Variants in SMARCA2 observed in about 807,000 individuals in gnomAD.
SMARCA2 encodes the protein SWI/SNF-related matrix-associated actin-dependent regulator of chromatin subfamily A member 2.
SMARCA2 carries 61 observed loss-of-function variants against 199.8 expected under a neutral mutation model. The observed-to-expected ratio is 0.31, with a 90% confidence interval of 0.25 to 0.38. The LOEUF is 0.38. Among genes scored for constraint, SMARCA2 ranks in the 10% least tolerant of loss-of-function variants. SMARCA2 has a pLI of 1.00. For missense variants in SMARCA2, 1,344 were observed against 2,012.2 expected (o/e 0.67, Z 6.35); for synonymous variants, 935 against 732.0 (o/e 1.28, Z -4.48).
At chr9:2,079,483 C>G (rs777529454) in intron 14 of SMARCA2, among the ~76,000 whole-genome samples, 5 of 152,224 alleles carry the variant, frequency 3.3e-5, no homozygotes, top group Non-Finnish European at 7.3e-5. Context: ...TGCTGAAGCA[C>G]TAGCAGTTTT....
chr9:2,146,059 G>A (rs959748637), intron 27 of SMARCA2, among the ~76,000 whole-genome samples: 1 of 152,222 alleles, frequency 6.6e-6, no homozygotes, highest in Non-Finnish European at 1.5e-5. Context: ...CTTAGTCTGG[G>A]ATGCTATACC....
At chr9:2,172,828 C>T (rs1346235285) in intron 29 of SMARCA2, among the ~76,000 whole-genome samples, 4 of 152,000 alleles carry the variant, frequency 2.6e-5, no homozygotes, top group Non-Finnish European at 5.9e-5. Flanking sequence ...CGACATCAGC[C>T]CTGCAGTGGA....
rs1825704855 is a variant in SMARCA2, at chr9:2,161,960, C to T, written c.4199+57C>T. ...TCTCACCAAGACGCCGAGTGGCGCT[C>T]CCTGAGGAGCAGGAGTTGTTAAGTT... On this transcript the variant is annotated intron_variant, in intron 28 of 33. Coordinates refer to ENST00000349721, the MANE Select transcript of SMARCA2 (RefSeq NM_003070.5). The surrounding 1 kb of genome is among the most constrained non-coding windows in gnomAD (Gnocchi z 4.7). 1 of 1,401,924 alleles carries T rather than the reference C, an allele frequency of 7.1e-7. No homozygotes were observed. 86.8% of individuals were successfully genotyped at this position (1,401,924 alleles called of 1,614,324 possible).
At chr9:2,074,481 T>C (rs1209322614) in intron 12 of SMARCA2, among the ~76,000 whole-genome samples, 1 of 152,212 alleles carries the variant, frequency 6.6e-6, no homozygotes, top group Admixed American at 6.5e-5. Context: ...TTTGTGGACC[T>C]GTGTTTTCCA....
intron 26 of SMARCA2, among the ~76,000 whole-genome samples, chr9:2,122,241 A>AT (rs982132044): frequency 1.9e-4 from 29 of 152,140 alleles, no homozygotes; most frequent in African/African-American, 5.3e-4. Context: ...CTCAAAGACT[A>AT]TTTTTTTGCT....
intron 31 of SMARCA2, among the ~76,000 whole-genome samples, chr9:2,183,051 A>G (rs1402344463): frequency 6.6e-6 from 1 of 152,218 alleles, no homozygotes; most frequent in Non-Finnish European, 1.5e-5. Flanking sequence ...TCAGCCTCCC[A>G]AAGTGCTGGG....
intron 27 of SMARCA2, among the ~76,000 whole-genome samples, chr9:2,132,260 G>A (rs1823994848): frequency 6.6e-6 from 1 of 152,200 alleles, no homozygotes; most frequent in African/African-American, 2.4e-5. Context: ...AAAGAGGTGG[G>A]CTGTGGATTT....
At chr9:2,118,852 T>G (rs1228039381) in intron 25 of SMARCA2, among the ~76,000 whole-genome samples, 3 of 152,234 alleles carry the variant, frequency 2.0e-5, no homozygotes, top group Admixed American at 6.5e-5. Context: ...TTTTTGTTAC[T>G]GATACCTTTT....
chr9:2,149,846 G>T (rs1054877667), intron 27 of SMARCA2, among the ~76,000 whole-genome samples: 6 of 151,392 alleles, frequency 4.0e-5, no homozygotes, highest in Non-Finnish European at 7.4e-5. Flanking sequence ...AATTTTGTTT[G>T]GCATTTTAGC....
intron 3 of SMARCA2, among the ~76,000 whole-genome samples, chr9:2,038,365 C>G (rs1247604036): frequency 6.6e-6 from 1 of 152,260 alleles, no homozygotes; most frequent in Middle Eastern, 3.4e-3. Context: ...ATTCCCCTTA[C>G]CATTTCTATA....
intron 23 of SMARCA2, among the ~76,000 whole-genome samples, chr9:2,107,778 T>C (rs1822823321): frequency 1.3e-5 from 2 of 152,210 alleles, no homozygotes; most frequent in Admixed American, 6.5e-5. Context: ...TCAGTAGGCA[T>C]TGGTTGTATT....
chr9:2,191,049 T>G (rs1586824230), intron 32 of SMARCA2, among the ~76,000 whole-genome samples: 1 of 152,170 alleles, frequency 6.6e-6, no homozygotes, highest in Non-Finnish European at 1.5e-5. Context: ...GTTGCCTGTT[T>G]AGCGTGACTA....
At chr9:2,131,100 T>C (rs755708473) in intron 27 of SMARCA2, among the ~76,000 whole-genome samples, 4 of 152,236 alleles carry the variant, frequency 2.6e-5, no homozygotes, top group Non-Finnish European at 5.9e-5. Context: ...CCTGAATTTA[T>C]TTAATTGCTA....
At chr9:2,137,915 T>C (rs1824279902) in intron 27 of SMARCA2, among the ~76,000 whole-genome samples, 1 of 152,212 alleles carries the variant, frequency 6.6e-6, no homozygotes, top group Non-Finnish European at 1.5e-5. Flanking sequence ...CATTCTCTCC[T>C]GTTAGATTCC....
At position 2,170,698 on chromosome 9, in the gene SMARCA2, C is replaced by T. The variant is rs1336088526; in HGVS notation, c.4253+226C>T. ...TCTGGCTGTGCCAATTCTATACATG[C>T]ACTCCTTACAAGGGTATTGGGAGCT... On this transcript the variant is annotated intron_variant, in intron 29 of 33. Coordinates refer to ENST00000349721, the MANE Select transcript of SMARCA2 (RefSeq NM_003070.5). The surrounding 1 kb of genome is among the most constrained non-coding windows in gnomAD (Gnocchi z 4.7). 6.6e-6 allele frequency among the ~76,000 whole-genome samples: 1 copy of T among 152,164 alleles called. No individual in the cohort carries two copies. The highest frequency in any genetic ancestry group is 6.5e-5 in the Admixed American group (1 of 15,284).
chr9:2,109,264 C>G (rs1475276685), intron 23 of SMARCA2, among the ~76,000 whole-genome samples: 2 of 152,080 alleles, frequency 1.3e-5, no homozygotes, highest in Non-Finnish European at 2.9e-5. Context: ...TCCCAACAGC[C>G]TAAAGCCTTC....
At chr9:2,131,250 T>C (rs1054203326) in intron 27 of SMARCA2, among the ~76,000 whole-genome samples, 9 of 152,192 alleles carry the variant, frequency 5.9e-5, no homozygotes, top group African/African-American at 2.2e-4. Context: ...TTAAAAAGTT[T>C]CTCCTATTTG....
At position 2,161,576 on chromosome 9, in the gene SMARCA2, T is replaced by C. The variant is rs1825676673; in HGVS notation, c.3982-110T>C. 1.3e-6 allele frequency: 1 copy of C among 753,780 alleles called. No homozygotes were observed. The highest frequency in any genetic ancestry group is 2.7e-5 in the East Asian group (1 of 37,228). 46.7% of individuals were successfully genotyped at this position (753,780 alleles called of 1,614,324 possible). A position where few individuals can be genotyped will look rare whatever the true frequency, so the allele number is the denominator to read the frequency against. On this transcript the variant is annotated intron_variant, in intron 27 of 33. Transcript: ENST00000349721. This position sits in a 1 kb window ranked among gnomAD's most constrained non-coding sequence, Gnocchi z 4.7. The stretch of plus-strand genomic sequence containing the variant: ...TTAACTTTTACTTTTTTTTGGTTAA[T>C]TTCTTTCATTTTATTCTAATTGTTG...
At chr9:2,186,322 G>A (rs1332869214) in intron 32 of SMARCA2, 94 bp downstream of exon 32, 8 of 1,333,792 alleles carry the variant, frequency 6.0e-6, no homozygotes, top group Non-Finnish European at 6.1e-6. Context: ...TTAGAGTGGG[G>A]CAGATCTGGA....
Sources: allele counts gnomAD v4.1 joint callset (sites outside exome capture counted in the v4.1 genomes callset), GRCh38; gene constraint gnomAD v4.1.1; non-coding constraint Gnocchi (gnomAD v3.1); transcripts MANE v1.5; gene names NCBI Gene and HGNC (gene_info 2026-07-23, HGNC 2026-07-21).